Variants in PHF24 observed in about 807,000 individuals in gnomAD.
The protein encoded by PHF24 is Galpha inhibitory interacting protein.
In PHF24, 25 loss-of-function variants were observed where a neutral mutation model predicts 42.6. The observed-to-expected ratio is 0.59, with a 90% CI of 0.43 to 0.82. The LOEUF is 0.82. PHF24 is among the 40% of genes least tolerant of loss of function. The probability of loss-of-function intolerance (pLI) is 0.00; values close to 1 mark genes in which losing one functional copy is unlikely to be tolerated. For synonymous variants in PHF24, 185 were observed against 204.8 expected, an observed-to-expected ratio of 0.90 and a Z score of 0.83; for missense variants, 470 against 538.1, an observed-to-expected ratio of 0.87 and a Z score of 1.25.
the PHF24 span, among the ~76,000 whole-genome samples, chr9:34,710,287 T>A: frequency 6.6e-6 from 1 of 152,160 alleles, no homozygotes; most frequent in Non-Finnish European, 1.5e-5. Flanking sequence ...GCTGCCAAAT[T>A]TTATGTCCTC....
the PHF24 span, among the ~76,000 whole-genome samples, chr9:34,838,940 G>T: frequency 4.6e-5 from 7 of 152,228 alleles, no homozygotes; most frequent in Non-Finnish European, 1.0e-4. Context: ...AAGCACACAA[G>T]AATTTAGGGA....
chr9:34,693,121 A>G, the PHF24 span, among the ~76,000 whole-genome samples: 27,054 of 152,090 alleles, frequency 0.18, 3,000 homozygotes, highest in Non-Finnish European at 0.24. Flanking sequence ...TTATTCAGGT[A>G]TCTGTTCATT....
At chr9:34,795,802 G>A in the PHF24 span, among the ~76,000 whole-genome samples, 2 of 152,116 alleles carry the variant, frequency 1.3e-5, no homozygotes, top group African/African-American at 4.8e-5. Flanking sequence ...TTAGAGATCA[G>A]CCTTGGCAAC....
At chr9:34,904,146 G>C in the PHF24 span, among the ~76,000 whole-genome samples, 1 of 152,148 alleles carries the variant, frequency 6.6e-6, no homozygotes, top group Non-Finnish European at 1.5e-5. Flanking sequence ...GGTTTTCAAG[G>C]TAGACGATCA....
At chr9:34,678,815 G>T in the PHF24 span, among the ~76,000 whole-genome samples, 1 of 152,040 alleles carries the variant, frequency 6.6e-6, no homozygotes. Flanking sequence ...ATTTTTAGTA[G>T]AGATGGGGTT....
chr9:34,917,459 A>G, the PHF24 span: 1 of 769,382 alleles, frequency 1.3e-6, no homozygotes, highest in East Asian at 2.4e-5. Context: ...GGATCCTAAC[A>G]AGCTGGTATT....
the PHF24 span, among the ~76,000 whole-genome samples, chr9:34,918,805 C>T: frequency 6.6e-5 from 10 of 152,004 alleles, no homozygotes; most frequent in African/African-American, 1.5e-4. Context: ...TAGTTTTCCC[C>T]GTTGATTATT....
At chr9:34,724,921 C>T in the PHF24 span, 3 of 1,551,030 alleles carry the variant, frequency 1.9e-6, no homozygotes, top group Non-Finnish European at 1.7e-6. Context: ...AAGTTGTCTC[C>T]AGTTTCTCAA....
the PHF24 span, among the ~76,000 whole-genome samples, chr9:34,800,940 A>G: frequency 6.6e-6 from 1 of 152,218 alleles, no homozygotes; most frequent in Non-Finnish European, 1.5e-5. Flanking sequence ...TCTAATATCT[A>G]GACTCTACAA....
the PHF24 span, among the ~76,000 whole-genome samples, chr9:34,899,582 A>T: frequency 6.6e-6 from 1 of 152,236 alleles, no homozygotes; most frequent in Non-Finnish European, 1.5e-5. Flanking sequence ...CAACACTTTT[A>T]TAGATGAGCA....
At chr9:34,857,189 A>T in the PHF24 span, among the ~76,000 whole-genome samples, 1 of 151,986 alleles carries the variant, frequency 6.6e-6, no homozygotes, top group Admixed American at 6.6e-5. Flanking sequence ...GCCTGCTGCC[A>T]CTGGCCAGCT....
the PHF24 span, among the ~76,000 whole-genome samples, chr9:34,754,296 G>C: frequency 6.6e-6 from 1 of 152,058 alleles, no homozygotes; most frequent in Non-Finnish European, 1.5e-5. Context: ...TCTGACAAGA[G>C]CTCTGGAATA....
the PHF24 span, among the ~76,000 whole-genome samples, chr9:34,695,718 G>A: frequency 1.3e-5 from 2 of 152,192 alleles, no homozygotes; most frequent in Admixed American, 6.5e-5. Context: ...TAATTTCTTG[G>A]TGGGGAGAAA....
At chr9:34,666,423 T>A in the PHF24 span, among the ~76,000 whole-genome samples, 1 of 152,058 alleles carries the variant, frequency 6.6e-6, no homozygotes, top group Non-Finnish European at 1.5e-5. Context: ...GAGGAATAGG[T>A]CCTCAGATAG....
chr9:34,723,359 G>T, the PHF24 span: 68 of 1,551,596 alleles, frequency 4.4e-5, no homozygotes, highest in Non-Finnish European at 5.8e-5. Flanking sequence ...ATCGTCTAGG[G>T]ATTGGGGACC....
the PHF24 span, among the ~76,000 whole-genome samples, chr9:34,747,020 T>C: frequency 6.6e-6 from 1 of 152,192 alleles, no homozygotes; most frequent in African/African-American, 2.4e-5. Flanking sequence ...CTTTTATTTA[T>C]CAAAAGATGC....
the PHF24 span, among the ~76,000 whole-genome samples, chr9:34,769,414 C>G: frequency 6.6e-6 from 1 of 152,216 alleles, no homozygotes; most frequent in African/African-American, 2.4e-5. Flanking sequence ...AGCCACCATG[C>G]CTGGCCATAA....
At chr9:34,669,523 G>GT in the PHF24 span, among the ~76,000 whole-genome samples, 1 of 151,500 alleles carries the variant, frequency 6.6e-6, no homozygotes. Context: ...CCTTCTGCTT[G>GT]TGTGGAGTCT....
At chr9:34,823,468 C>A in the PHF24 span, among the ~76,000 whole-genome samples, 2 of 152,108 alleles carry the variant, frequency 1.3e-5, no homozygotes, top group East Asian at 1.9e-4. Context: ...ACCTTCGGGT[C>A]CCATCCTTGC....
Sources: allele counts gnomAD v4.1 joint callset (sites outside exome capture counted in the v4.1 genomes callset), GRCh38; gene constraint gnomAD v4.1.1; transcripts MANE v1.5; gene names NCBI Gene and HGNC (gene_info 2026-07-23, HGNC 2026-07-21).